Variants in GPHN observed in about 807,000 individuals in gnomAD.
GPHN encodes the protein gephyrin.
Under a neutral mutation model 95.5 loss-of-function variants are expected in GPHN, and 17 were observed. The ratio of observed to expected loss-of-function variants is 0.18; its 90% CI spans 0.12 to 0.27. The LOEUF (loss-of-function observed/expected upper bound fraction) is 0.27, where lower values mean the gene tolerates loss of function less well. GPHN is among the 10% of genes least tolerant of loss of function. The probability of loss-of-function intolerance (pLI) is 1.00; values close to 1 mark genes in which losing one functional copy is unlikely to be tolerated. For missense variants in GPHN, 660 were observed against 978.1 expected, an observed-to-expected ratio of 0.67 and a Z score of 4.34; for synonymous variants, 320 against 322.5, an observed-to-expected ratio of 0.99 and a Z score of 0.08.
At chr14:67,015,797 C>T (rs894396893) in intron 9 of GPHN, among the ~76,000 whole-genome samples, 2 of 152,032 alleles carry the variant, frequency 1.3e-5, no homozygotes, top group South Asian at 2.1e-4. Context: ...TACATACACA[C>T]GTGTGTCTGT....
intron 10 of GPHN, among the ~76,000 whole-genome samples, chr14:67,040,113 T>A (rs993052858): frequency 1.3e-5 from 2 of 152,090 alleles, no homozygotes; most frequent in Non-Finnish European, 2.9e-5. Context: ...AGTGCAAAAA[T>A]AGACATACGT....
the GPHN span, among the ~76,000 whole-genome samples, chr14:67,547,446 G>A: frequency 6.6e-6 from 1 of 152,236 alleles, no homozygotes; most frequent in Admixed American, 6.5e-5. Flanking sequence ...CGCAGGAAGA[G>A]ATGCCTTGGG....
At chr14:67,095,472 A>G (rs931808863) in intron 12 of GPHN, among the ~76,000 whole-genome samples, 1 of 152,182 alleles carries the variant, frequency 6.6e-6, no homozygotes, top group Non-Finnish European at 1.5e-5. Context: ...ATAAAGACAC[A>G]TGCACACGTA....
chr14:67,200,057 C>A, the GPHN span: 3 of 938,334 alleles, frequency 3.2e-6, no homozygotes, highest in Admixed American at 2.6e-5. Context: ...GGGGGACAGC[C>A]ACCACCCCAA....
chr14:67,646,380 A>G, the GPHN span: 1 of 447,862 alleles, frequency 2.2e-6, no homozygotes, highest in Non-Finnish European at 4.0e-6. Context: ...TATTCCTGCT[A>G]CTAGGTAAGT....
chr14:66,698,676 T>A (rs1385266729), intron 2 of GPHN, among the ~76,000 whole-genome samples: 1 of 152,098 alleles, frequency 6.6e-6, no homozygotes, highest in Non-Finnish European at 1.5e-5. Flanking sequence ...AACAGCAGAG[T>A]TGAGTAGTTT....
chr14:67,083,643 T>C (rs1028397477), intron 11 of GPHN, among the ~76,000 whole-genome samples: 2 of 152,210 alleles, frequency 1.3e-5, no homozygotes, highest in African/African-American at 4.8e-5. Context: ...ACATGAGTAG[T>C]ATTCAGAGTG....
At chr14:67,515,248 G>C in the GPHN span, 1 of 152,606 alleles carries the variant, frequency 6.6e-6, no homozygotes, top group Non-Finnish European at 1.5e-5. Context: ...CCCAAGCCCG[G>C]CGCTCTGGCT....
In GPHN at chr14:66,610,692, C is replaced by T. The variant is rs577326510; in HGVS notation, c.65-70415C>T. Among the ~76,000 whole-genome samples the T allele has an allele frequency of 6.2e-4, 95 of 152,064 alleles. 1 individual carries two copies. Among genetic ancestry groups the T allele is most frequent in the African/African-American group, 2.1e-3 (87 of 41,480 alleles). On this transcript the variant is annotated intron_variant, in intron 1 of 22. Transcript: ENST00000478722. ...AGGAAGACTTTATTTAGGGTCATTG[C>T]GATAGATGTAAGGACCACTGACATG... is the stretch of plus-strand genomic sequence containing the variant.
At chr14:66,841,017 A>ATATAGG (rs2062063462) in intron 4 of GPHN, among the ~76,000 whole-genome samples, 1 of 118,988 alleles carries the variant, frequency 8.4e-6, no homozygotes, top group Non-Finnish European at 1.8e-5. Context: ...ATAGATATAG[A>ATATAGG]TATAGATATA....
chr14:67,607,617 G>A, the GPHN span, among the ~76,000 whole-genome samples: 2 of 152,066 alleles, frequency 1.3e-5, no homozygotes, highest in Non-Finnish European at 1.5e-5. Context: ...TGCCCGCCTC[G>A]GCCTCCCAAA....
intron 1 of GPHN, among the ~76,000 whole-genome samples, chr14:66,651,252 A>G (rs936208297): frequency 6.6e-6 from 1 of 152,230 alleles, no homozygotes; most frequent in Admixed American, 6.5e-5. Context: ...GACCTATTCA[A>G]CCTGCACAGA....
chr14:66,653,332 T>G (rs1595414556), intron 1 of GPHN, among the ~76,000 whole-genome samples: 1 of 152,282 alleles, frequency 6.6e-6, no homozygotes, highest in East Asian at 1.9e-4. Flanking sequence ...ATTTTCTGAT[T>G]GTTGTTCCTG....
chr14:66,778,822 A>G (rs530128172), intron 3 of GPHN, among the ~76,000 whole-genome samples: 7 of 140,368 alleles, frequency 5.0e-5, no homozygotes, highest in South Asian at 2.3e-4. Flanking sequence ...GCAGCCTCCA[A>G]CCTCCTGGGT....
chr14:66,660,984 G>C (rs917751263), intron 1 of GPHN, among the ~76,000 whole-genome samples: 1 of 152,198 alleles, frequency 6.6e-6, no homozygotes, highest in African/African-American at 2.4e-5. Context: ...CTGACACACA[G>C]AACTGTGTAT....
At chr14:66,970,707 G>A in intron 9 of GPHN, among the ~76,000 whole-genome samples, 1 of 152,014 alleles carries the variant, frequency 6.6e-6, no homozygotes, top group East Asian at 1.9e-4. Flanking sequence ...CTTTGCTTTT[G>A]CTGAAATTAT....
chr14:67,301,250 A>C, the GPHN span: 54,528 of 481,322 alleles, frequency 0.11, 7,538 homozygotes, highest in East Asian at 0.41. Context: ...TGAAAACTCT[A>C]ATAATTCTTT....
At chr14:67,378,310 G>A in the GPHN span, among the ~76,000 whole-genome samples, 1 of 135,334 alleles carries the variant, frequency 7.4e-6, no homozygotes, top group Non-Finnish European at 1.6e-5. Flanking sequence ...TTATTCTCAT[G>A]TGACTTTTTT....
At chr14:66,537,492 A>C (rs528051392) in intron 1 of GPHN, among the ~76,000 whole-genome samples, 1 of 152,144 alleles carries the variant, frequency 6.6e-6, no homozygotes, top group African/African-American at 2.4e-5. Context: ...AACAATGCAA[A>C]ACTTAGGACA....
Sources: gnomAD v4.1 joint callset for allele counts (sites outside exome capture counted in the v4.1 genomes callset) on GRCh38, gnomAD v4.1.1 for gene constraint, MANE v1.5 for transcripts, NCBI Gene and HGNC (gene_info 2026-07-23, HGNC 2026-07-21) for gene names.